Variants in SF3B1 observed in about 807,000 individuals in gnomAD.
SF3B1 encodes the protein splicing factor 3b subunit 1.
A neutral mutation model predicts 153.8 loss-of-function variants in SF3B1; 12 were observed. That is an observed-to-expected ratio of 0.08 (90% CI 0.05 to 0.13). The LOEUF (loss-of-function observed/expected upper bound fraction) is 0.13, where lower values mean the gene tolerates loss of function less well. Ranked by LOEUF, SF3B1 falls within the 10% of genes least tolerant of loss-of-function variation. SF3B1 has a pLI of 1.00. For missense variants in SF3B1, 513 were observed against 1,606.1 expected (o/e 0.32, Z 11.63); for synonymous variants, 498 against 525.2 (o/e 0.95, Z 0.71).
intron 5 of SF3B1, among the ~76,000 whole-genome samples, chr2:197,417,536 G>A (rs530239134): frequency 3.5e-5 from 5 of 142,226 alleles, no homozygotes; most frequent in Non-Finnish European, 6.0e-5. Flanking sequence ...TCAGGAGTTC[G>A]AGACCAGCCT....
At chr2:197,429,761 A>C (rs1452963315) in intron 1 of SF3B1, among the ~76,000 whole-genome samples, 1 of 151,452 alleles carries the variant, frequency 6.6e-6, no homozygotes, top group African/African-American at 2.4e-5. Context: ...TCCAGCCTGG[A>C]CAACAGAGCA....
intron 1 of SF3B1, among the ~76,000 whole-genome samples, chr2:197,428,252 C>T (rs1382528616): frequency 2.6e-5 from 4 of 152,052 alleles, no homozygotes; most frequent in African/African-American, 9.7e-5. Flanking sequence ...GCCCAGGAGG[C>T]GGAGGTTGCA....
intron 7 of SF3B1, among the ~76,000 whole-genome samples, chr2:197,408,867 C>T (rs12151726): frequency 0.33 from 50,693 of 151,876 alleles, 10,513 homozygotes; most frequent in South Asian, 0.5. Context: ...AGGTTGCAGT[C>T]AGCCGAGAGC....
At position 197,416,962 on chromosome 2, in the gene SF3B1, C is replaced by CTACCATTAGCGCA. The variant is rs1428725019; in HGVS notation, c.496-64_496-52dup. 8 of 1,547,418 alleles carry CTACCATTAGCGCA rather than the reference C, an allele frequency of 5.2e-6. No homozygotes were observed. The South Asian group carries it at 6.9e-5, about 13-fold the overall frequency. ...TTTAAAATGCTTTCAATGTATTTTT[C>CTACCATTAGCGCA]TACCATTAGCGCAATCACTTCCACT... On this transcript the variant is annotated intron_variant, in intron 5 of 24. Coordinates refer to ENST00000335508, the MANE Select transcript of SF3B1 (RefSeq NM_012433.4).
In SF3B1 at chr2:197,392,857, C is replaced by G. The variant is rs552203043; in HGVS notation, c.3756+115G>C. The G allele has an allele frequency of 7.2e-4, 472 of 655,190 alleles. 3 individuals carry two copies. The African/African-American group carries it at 7.7e-3, about 11-fold the overall frequency. The allele number at this position is 655,190 out of a possible 1,614,324, so 40.6% of individuals were successfully genotyped here. A position where few individuals can be genotyped will look rare whatever the true frequency, so the allele number is the denominator to read the frequency against. ...CAGGTTGATAGGTGCAGCAAACCAC[C>G]ATGGCACATATATACCTATGTAACA... On this transcript the variant is annotated intron_variant, in intron 24 of 24. Transcript: ENST00000335508.
intron 20 of SF3B1, 67 bp downstream of exon 20, chr2:197,399,988 T>TAG (rs1222865402): frequency 1.8e-6 from 2 of 1,122,574 alleles, no homozygotes; most frequent in Non-Finnish European, 2.6e-6. Context: ...AGATTTTACT[T>TAG]ACGAAAAAAA....
intron 23 of SF3B1, 59 bp downstream of exon 23, chr2:197,395,997 T>C: frequency 7.0e-7 from 1 of 1,419,910 alleles, no homozygotes; most frequent in Non-Finnish European, 9.7e-7. Context: ...TATTTCACGA[T>C]GTTCTAAAAT....
chr2:197,401,648 T>G lies in SF3B1; in HGVS notation c.2370+94A>C. ...CAAATCAAACAGTATTCGTGTAACA[T>G]ACAGTTTTTTTTGTTGATTTTTAAA... On this transcript the variant is annotated intron_variant, in intron 16 of 24. Transcript: ENST00000335508. This position sits in a 1 kb window ranked among gnomAD's most constrained non-coding sequence, Gnocchi z 4.2. 2 of 1,486,986 alleles carry G rather than the reference T, an allele frequency of 1.3e-6. No homozygotes were observed. The highest frequency in any genetic ancestry group is 1.8e-6 in the Non-Finnish European group (2 of 1,088,588). 92.1% of individuals were successfully genotyped at this position (1,486,986 alleles called of 1,614,324 possible). A position where few individuals can be genotyped will look rare whatever the true frequency, so the allele number is the denominator to read the frequency against.
At position 197,400,014 on chromosome 2, in the gene SF3B1, T is replaced by C. The variant is rs779897378; in HGVS notation, c.3013+41A>G. On this transcript the variant is annotated intron_variant, in intron 20 of 24. Transcript: ENST00000335508. This position sits in a 1 kb window ranked among gnomAD's most constrained non-coding sequence, Gnocchi z 5.0. ...ACGAAAAAAAAAAGAAAAAGAAAGTTAAAACAAGAAAAAGTCTTATGTAAC... is the reference window on the plus strand; with the variant it reads ...ACGAAAAAAAAAAGAAAAAGAAAGTCAAAACAAGAAAAAGTCTTATGTAAC... The C allele has an allele frequency of 1.8e-5, 24 of 1,339,334 alleles. No homozygotes were observed. Among genetic ancestry groups the C allele is most frequent in the Non-Finnish European group, 2.3e-5 (22 of 956,046 alleles). The allele number at this position is 1,339,334 out of a possible 1,614,324, so 83.0% of individuals were successfully genotyped here. A position where few individuals can be genotyped will look rare whatever the true frequency, so the allele number is the denominator to read the frequency against.
intron 12 of SF3B1, 83 bp downstream of exon 12, chr2:197,403,502 T>C (rs1177130002): frequency 2.3e-6 from 2 of 866,402 alleles, no homozygotes; most frequent in Non-Finnish European, 3.4e-6. Context: ...GGAAAAGGTC[T>C]AGGAGAATAT....
At chr2:197,397,903 T>C (rs1574525585) in intron 22 of SF3B1, 82 bp downstream of exon 22, 1 of 1,053,286 alleles carries the variant, frequency 9.5e-7, no homozygotes, top group East Asian at 2.6e-5. Flanking sequence ...TCAAAAGAGA[T>C]TTCTACATGG....
chr2:197,403,433 AACATCTGT>A (rs1211910045), intron 12 of SF3B1, 144 bp downstream of exon 12: 1 of 486,658 alleles, frequency 2.1e-6, no homozygotes, highest in African/African-American at 2.0e-5. Flanking sequence ...GACAAAAACT[AACATCTGT>A]ACATCTGTAT....
At chr2:197,434,896 A>C in intron 1 of SF3B1, 76 bp downstream of exon 1, 2 of 1,484,780 alleles carry the variant, frequency 1.3e-6, no homozygotes, top group Admixed American at 1.7e-5. Context: ...CCATAGAAAA[A>C]GGCAGAATCC....
chr2:197,392,651 T>C (rs1479083800), intron 24 of SF3B1, among the ~76,000 whole-genome samples, 190 bp from the exon 25 acceptor site: 2 of 149,992 alleles, frequency 1.3e-5, no homozygotes, highest in Non-Finnish European at 1.5e-5. Context: ...CACCACACAA[T>C]TGTTCTACCA....
chr2:197,414,246 C>A (rs1268384969), intron 6 of SF3B1, among the ~76,000 whole-genome samples: 1 of 152,142 alleles, frequency 6.6e-6, no homozygotes, highest in Non-Finnish European at 1.5e-5. Flanking sequence ...CAAATAAATA[C>A]GTCAAGCTGA....
intron 9 of SF3B1, among the ~76,000 whole-genome samples, chr2:197,407,342 C>A (rs1029413171): frequency 6.6e-6 from 1 of 151,966 alleles, no homozygotes; most frequent in East Asian, 1.9e-4. Flanking sequence ...CGGTAACTCA[C>A]GCCTGTAATC....
intron 22 of SF3B1, among the ~76,000 whole-genome samples, chr2:197,397,718 A>C (rs1170684688): frequency 6.6e-6 from 1 of 151,968 alleles, no homozygotes; most frequent in Non-Finnish European, 1.5e-5. Context: ...AATCGCCTGC[A>C]CCTGGGAGGC....
rs201275204 is a variant in SF3B1, at chr2:197,400,619, AATT to A, written c.2718+93_2718+95del. The A allele has an allele frequency of 8.6e-4, 926 of 1,081,354 alleles. 10 individuals carry two copies. In the East Asian group the frequency reaches 0.017, roughly 20 times the overall value. 67.0% of individuals were successfully genotyped at this position (1,081,354 alleles called of 1,614,324 possible). A position where few individuals can be genotyped will look rare whatever the true frequency, so the allele number is the denominator to read the frequency against. On this transcript the variant is annotated intron_variant, in intron 18 of 24. Transcript: ENST00000335508. The surrounding 1 kb of genome is among the most constrained non-coding windows in gnomAD (Gnocchi z 5.0). ...CCTGAGCATTTTAAAAATTACTTCA[AATT>A]CAATTGCATTCTAGAAAAATTTGCT...
intron 6 of SF3B1, among the ~76,000 whole-genome samples, chr2:197,415,497 G>A (rs886706476): frequency 4.6e-5 from 7 of 151,860 alleles, no homozygotes; most frequent in Admixed American, 1.3e-4. Context: ...CTCAAGATCC[G>A]CCTGCCTTGG....
Sources: gnomAD v4.1 joint callset for allele counts (sites outside exome capture counted in the v4.1 genomes callset) on GRCh38, gnomAD v4.1.1 for gene constraint, Gnocchi (gnomAD v3.1) non-coding constraint, MANE v1.5 for transcripts, NCBI Gene and HGNC (gene_info 2026-07-23, HGNC 2026-07-21) for gene names.